The following RBFOX1 variants were observed in gnomAD, a reference collection of about 807,000 sequenced individuals.
RBFOX1 encodes the protein RNA binding fox-1 homolog 1, also known as RNA binding protein fox-1 homolog 1.
RBFOX1 carries 8 observed loss-of-function variants against 57.7 expected under a neutral mutation model. That is an observed-to-expected ratio of 0.14 (90% CI 0.08 to 0.25). The LOEUF (loss-of-function observed/expected upper bound fraction) is 0.25. Ranked by LOEUF, RBFOX1 falls within the 10% of genes least tolerant of loss-of-function variation. The pLI, the probability that RBFOX1 is intolerant of heterozygous loss-of-function variation, is 1.00. For missense variants in RBFOX1, 611 were observed against 548.5 expected (o/e 1.11, Z -1.14); for synonymous variants, 326 against 222.4 (o/e 1.47, Z -4.15).
At position 6,959,150 on chromosome 16, in the gene RBFOX1, C is replaced by T. The variant is rs553029804; in HGVS notation, c.-15-92907C>T. ...AATTAAAATCCACTTTTTCAGACTA[C>T]GATGGATTGGAAAGCCTGGGCCTTT... is the stretch of plus-strand genomic sequence containing the variant. On this transcript the variant is annotated intron_variant, in intron 3 of 15. Coordinates refer to ENST00000550418, the MANE Select transcript of RBFOX1 (RefSeq NM_018723.4). Among the ~76,000 whole-genome samples, 16 of 152,130 alleles carry T rather than the reference C, an allele frequency of 1.1e-4. No individual in the cohort carries two copies. The South Asian group carries it at 1.9e-3, about 18-fold the overall frequency.
intron 3 of RBFOX1, among the ~76,000 whole-genome samples, chr16:6,988,235 G>C (rs1183372345): frequency 1.3e-5 from 2 of 152,172 alleles, no homozygotes; most frequent in Non-Finnish European, 2.9e-5. Flanking sequence ...GCATTTTCCT[G>C]CTGGTTTTTC....
chr16:6,974,307 G>C (rs2086269267), intron 3 of RBFOX1, among the ~76,000 whole-genome samples: 3 of 147,218 alleles, frequency 2.0e-5, no homozygotes. Context: ...TCCAGTTTGT[G>C]GTGATATAAA....
At chr16:5,534,445 C>T (rs1446101954) in intron 2 of RBFOX1, among the ~76,000 whole-genome samples, 1 of 152,192 alleles carries the variant, frequency 6.6e-6, no homozygotes, top group Non-Finnish European at 1.5e-5. Context: ...ACACTGCAGC[C>T]TTCAGTCTGT....
chr16:7,028,609 CAAAAAAAA>C (rs869138217), intron 3 of RBFOX1, among the ~76,000 whole-genome samples: 11 of 45,424 alleles, frequency 2.4e-4, no homozygotes, highest in Admixed American at 7.1e-4. Flanking sequence ...CACACACACA[CAAAAAAAA>C]AAAAAAAAAA....
At chr16:7,652,100 C>T (rs565157414) in intron 11 of RBFOX1, among the ~76,000 whole-genome samples, 45 of 149,814 alleles carry the variant, frequency 3.0e-4, no homozygotes, top group Admixed American at 8.0e-4. Flanking sequence ...GCATCCTCTG[C>T]GGACACAGTT....
intron 1 of RBFOX1, among the ~76,000 whole-genome samples, chr16:6,220,729 C>G (rs1004727577): frequency 6.6e-5 from 6 of 90,544 alleles, no homozygotes; most frequent in African/African-American, 2.1e-4. Context: ...ACCGCCCCCC[C>G]CCAGTGGAAA....
chr16:7,630,594 C>G lies in RBFOX1; in HGVS notation c.677-9C>G, dbSNP rs771044128. Reference sequence around the variant, plus strand: ...CAAACCAGATACCATCTCTCTCTCTCTTTCGTAGGCACGGTCCTGTTGTGC... The same window carrying G: ...CAAACCAGATACCATCTCTCTCTCTGTTTCGTAGGCACGGTCCTGTTGTGC... On this transcript the variant is annotated splice_polypyrimidine_tract_variant and intron_variant, in intron 10 of 15. Transcript: ENST00000550418. 2 of 1,612,964 alleles carry G rather than the reference C, an allele frequency of 1.2e-6. No individual in the cohort carries two copies. Among genetic ancestry groups the G allele is most frequent in the South Asian group, 1.1e-5 (1 of 91,040 alleles).
At chr16:7,280,859 C>T (rs571660048) in intron 4 of RBFOX1, among the ~76,000 whole-genome samples, 7 of 151,894 alleles carry the variant, frequency 4.6e-5, no homozygotes, top group East Asian at 1.9e-4. Context: ...GCTTGAGAAC[C>T]GCTATCCTAT....
chr16:6,483,056 G>A, intron 2 of RBFOX1: 8 of 852,332 alleles, frequency 9.4e-6, no homozygotes, highest in African/African-American at 1.8e-5. Context: ...AGATACCGCA[G>A]CCAGCTCGGA....
rs889350359 is a variant in RBFOX1 at position 5,947,871 on chromosome 16, C to T, written c.351+80536C>T. On this transcript the variant is annotated intron_variant, in intron 4 of 19. Transcript: ENST00000641259. This position sits in a 1 kb window ranked among gnomAD's most constrained non-coding sequence, Gnocchi z 7.2. ...TACCTGTTGTAATTACCGGGCCACC[C>T]GTAACGGGAGTTTATGTAATTATTA... is the stretch of plus-strand genomic sequence containing the variant. 3.9e-5 allele frequency among the ~76,000 whole-genome samples: 6 copies of T among 152,174 alleles called. No homozygotes were observed. Among genetic ancestry groups the T allele is most frequent in the African/African-American group, 7.2e-5 (3 of 41,428 alleles).
At chr16:6,656,904 TCTC>T (rs2098658806) in intron 3 of RBFOX1, among the ~76,000 whole-genome samples, 1 of 146,860 alleles carries the variant, frequency 6.8e-6, no homozygotes, top group African/African-American at 2.5e-5. Context: ...TCCCCTCAAC[TCTC>T]CTCTCCTCCC....
intron 3 of RBFOX1, among the ~76,000 whole-genome samples, chr16:6,751,929 G>C (rs549977304): frequency 6.6e-6 from 1 of 152,102 alleles, no homozygotes; most frequent in African/African-American, 2.4e-5. Flanking sequence ...GTGAGTCCAG[G>C]CTTTAACAAA....
chr16:6,658,995 A>T (rs10220932), intron 3 of RBFOX1, among the ~76,000 whole-genome samples: 3,678 of 148,580 alleles, frequency 0.025, 156 homozygotes, highest in African/African-American at 0.086. Context: ...ATGCAGATTT[A>T]GCAAAGGTGA....
intron 14 of RBFOX1, among the ~76,000 whole-genome samples, chr16:7,704,864 A>C (rs944260855): frequency 6.6e-6 from 1 of 151,464 alleles, no homozygotes; most frequent in Non-Finnish European, 1.5e-5. Context: ...CAGCCTGGGC[A>C]ACATGGTGAA....
chr16:5,339,115 C>G (rs1428791204), intron 1 of RBFOX1, among the ~76,000 whole-genome samples: 1 of 152,094 alleles, frequency 6.6e-6, no homozygotes, highest in Non-Finnish European at 1.5e-5. Context: ...ACTCATTCCT[C>G]CTGTATAGCT....
chr16:6,795,801 C>T (rs139743113), intron 3 of RBFOX1, among the ~76,000 whole-genome samples: 37 of 151,522 alleles, frequency 2.4e-4, no homozygotes, highest in East Asian at 5.8e-4. Context: ...AGATAGTCAT[C>T]GTTGCTTTCT....
At chr16:5,323,650 G>T (rs1213983404) in intron 1 of RBFOX1, among the ~76,000 whole-genome samples, 1 of 152,244 alleles carries the variant, frequency 6.6e-6, no homozygotes, top group African/African-American at 2.4e-5. Flanking sequence ...GCTCTGAAAA[G>T]TAAAACTTAG....
intron 3 of RBFOX1, among the ~76,000 whole-genome samples, chr16:5,751,690 A>G (rs2053211701): frequency 6.6e-6 from 1 of 152,196 alleles, no homozygotes. Flanking sequence ...GGAGAATGGA[A>G]AAATACTGTT....
chr16:7,497,505 G>T lies in RBFOX1; in HGVS notation c.28-20642G>T, dbSNP rs141673537. ...CACTTGCTTTGATCATCGATTTTTT[G>T]GTATCTCTCTTTATCCAGATCTTAA... On this transcript the variant is annotated intron_variant, in intron 4 of 15. Coordinates refer to ENST00000550418, the MANE Select transcript of RBFOX1 (RefSeq NM_018723.4). 8.0e-4 allele frequency among the ~76,000 whole-genome samples: 122 copies of T among 152,078 alleles called. 1 individual carries two copies. Among genetic ancestry groups the T allele is most frequent in the African/African-American group, 2.7e-3 (113 of 41,488 alleles).
Sources: allele counts gnomAD v4.1 joint callset (sites outside exome capture counted in the v4.1 genomes callset), GRCh38; gene constraint gnomAD v4.1.1; non-coding constraint Gnocchi (gnomAD v3.1); transcripts MANE v1.5; gene names NCBI Gene and HGNC (gene_info 2026-07-23, HGNC 2026-07-21).